CCDC85A: variants seen among roughly 807,000 people sequenced by gnomAD.
CCDC85A encodes the protein coiled-coil domain containing 85A, also known as coiled-coil domain-containing protein 85A.
In CCDC85A, 38 loss-of-function variants were observed where a neutral mutation model predicts 50.2. That is an observed-to-expected ratio of 0.76 (90% CI 0.58 to 0.99). CCDC85A has a LOEUF of 0.99. CCDC85A is among the 50% of genes least tolerant of loss of function. The pLI, the probability that CCDC85A is intolerant of heterozygous loss-of-function variation, is 0.00. For synonymous variants in CCDC85A, 366 were observed against 301.4 expected, an observed-to-expected ratio of 1.21 and a Z score of -2.22; for missense variants, 820 against 742.0, an observed-to-expected ratio of 1.11 and a Z score of -1.22.
At chr2:56,277,018 G>T (rs184491846) in intron 2 of CCDC85A, among the ~76,000 whole-genome samples, 1 of 152,140 alleles carries the variant, frequency 6.6e-6, no homozygotes, top group South Asian at 2.1e-4. Context: ...CCAAGAACAG[G>T]CCAGCTCTAA....
rs146862739 is a variant in CCDC85A at position 56,185,968 on chromosome 2, C to T, written c.276+1068C>T. On this transcript the variant is annotated intron_variant, in intron 1 of 5. Coordinates refer to ENST00000407595, the MANE Select transcript of CCDC85A (RefSeq NM_001080433.2). ...AAGCTGTTCTTTTCCCCTTTCCACTCCTATCCCCACATATCAGACAGTAGA... is the reference window on the plus strand; with the variant it reads ...AAGCTGTTCTTTTCCCCTTTCCACTTCTATCCCCACATATCAGACAGTAGA... Among the ~76,000 whole-genome samples the T allele has an allele frequency of 2.1e-3, 324 of 152,240 alleles. 1 individual carries two copies. Among genetic ancestry groups the T allele is most frequent in the African/African-American group, 7.4e-3 (308 of 41,570 alleles).
chr2:56,350,864 T>C lies in CCDC85A; in HGVS notation c.1317+7909T>C, dbSNP rs528686520. On this transcript the variant is annotated intron_variant, in intron 3 of 5. Transcript: ENST00000407595. ...TTTATTTATTTATTTATTTTATTAT[T>C]ATTATACTTTAAGTTTTAGGGTACA... 1.4e-3 allele frequency among the ~76,000 whole-genome samples: 210 copies of C among 150,662 alleles called. 1 individual carries two copies. In the Middle Eastern group the frequency reaches 0.017, roughly 12 times the overall value.
At chr2:56,185,948 G>A (rs1410281434) in intron 1 of CCDC85A, among the ~76,000 whole-genome samples, 7 of 152,206 alleles carry the variant, frequency 4.6e-5, no homozygotes, top group Admixed American at 3.3e-4. Context: ...GGCACAAGCT[G>A]TTCTTTTCCC....
chr2:56,315,250 G>T (rs917870245), intron 2 of CCDC85A, among the ~76,000 whole-genome samples: 68 of 152,138 alleles, frequency 4.5e-4, no homozygotes, highest in African/African-American at 1.6e-3. Context: ...TTGTTATCAA[G>T]AGTAGGAAAA....
At position 56,362,294 on chromosome 2, in the gene CCDC85A, G is replaced by A. The variant is rs555806039; in HGVS notation, c.1318-10050G>A. On this transcript the variant is annotated intron_variant, in intron 3 of 5. Transcript: ENST00000407595. ...AGGTTAGGAGGTGCAGGGGAATCAA[G>A]TTCTATTTTGGACATAGTCAATTTG... Among the ~76,000 whole-genome samples, 4 of 152,180 alleles carry A rather than the reference G, an allele frequency of 2.6e-5. No individual in the cohort carries two copies. In the South Asian group the frequency reaches 8.3e-4, roughly 32 times the overall value.
rs555850223 is a variant in CCDC85A, at chr2:56,335,028, A to C, written c.1241-7851A>C. Among the ~76,000 whole-genome samples the C allele has an allele frequency of 4.6e-5, 7 of 152,346 alleles. No individual in the cohort carries two copies. The South Asian group carries it at 1.0e-3, about 23-fold the overall frequency. On this transcript the variant is annotated intron_variant, in intron 2 of 5. Transcript: ENST00000407595. The stretch of plus-strand genomic sequence containing the variant: ...TTTAGGGCAATTAAAGCCCCATTAA[A>C]AATTCTATTTCTGTTAATAAGGCAG...
intron 2 of CCDC85A, among the ~76,000 whole-genome samples, chr2:56,298,111 A>G (rs534167509): frequency 1.3e-5 from 2 of 152,304 alleles, no homozygotes; most frequent in Admixed American, 1.3e-4. Flanking sequence ...ATGTGGAAAA[A>G]TGATTCCATT....
At position 56,184,465 on chromosome 2, in the gene CCDC85A, C is replaced by G; in HGVS notation, c.-160C>G. The G allele has an allele frequency of 2.5e-6, 2 of 796,884 alleles. No individual in the cohort carries two copies. The highest frequency in any genetic ancestry group is 3.3e-6 in the Non-Finnish European group (2 of 598,740). 49.4% of individuals were successfully genotyped at this position (796,884 alleles called of 1,614,324 possible). A position where few individuals can be genotyped will look rare whatever the true frequency, so the allele number is the denominator to read the frequency against. On this transcript the variant is annotated 5_prime_UTR_variant, in exon 1 of 6. Coordinates refer to ENST00000407595, the MANE Select transcript of CCDC85A (RefSeq NM_001080433.2). ...GGGGATGGCGAGGTAGGATGGCCAC[C>G]CAGCGCGACCCCCGCCGCCCCAACC...
chr2:56,222,468 A>C (rs1668366986), intron 2 of CCDC85A, among the ~76,000 whole-genome samples: 1 of 152,136 alleles, frequency 6.6e-6, no homozygotes, highest in Non-Finnish European at 1.5e-5. Flanking sequence ...TTTTATGTGC[A>C]GTCATGCAAA....
intron 1 of CCDC85A, among the ~76,000 whole-genome samples, chr2:56,187,491 T>G (rs556743884): frequency 7.3e-4 from 111 of 152,240 alleles, no homozygotes; most frequent in African/African-American, 2.6e-3. Context: ...CCCTGAGAAG[T>G]GGAAAGATAA....
intron 2 of CCDC85A, among the ~76,000 whole-genome samples, chr2:56,197,993 T>G (rs184554889): frequency 1.3e-5 from 2 of 150,752 alleles, no homozygotes; most frequent in Admixed American, 6.7e-5. Flanking sequence ...CTAATGGGTA[T>G]TTCCCACAAG....
rs962103156 is a variant in CCDC85A, at chr2:56,219,034, A to G, written c.1240+25594A>G. 3.3e-5 allele frequency among the ~76,000 whole-genome samples: 5 copies of G among 150,508 alleles called. No individual in the cohort carries two copies. The South Asian group carries it at 6.3e-4, about 19-fold the overall frequency. On this transcript the variant is annotated intron_variant, in intron 2 of 5. Coordinates refer to ENST00000407595, the MANE Select transcript of CCDC85A (RefSeq NM_001080433.2). Reference sequence around the variant, plus strand: ...TCTGAATTCTCCAAGCTCTTCCTCTATTTTTTTTGAATGAACTGAAATGAT... The same window carrying G: ...TCTGAATTCTCCAAGCTCTTCCTCTGTTTTTTTTGAATGAACTGAAATGAT...
intron 2 of CCDC85A, among the ~76,000 whole-genome samples, chr2:56,201,628 T>C (rs1233661691): frequency 6.6e-6 from 1 of 152,142 alleles, no homozygotes; most frequent in Non-Finnish European, 1.5e-5. Flanking sequence ...CATGAATTGC[T>C]TTTGGGGGCA....
At chr2:56,231,780 T>C (rs534814994) in intron 2 of CCDC85A, among the ~76,000 whole-genome samples, 1 of 152,284 alleles carries the variant, frequency 6.6e-6, no homozygotes, top group Non-Finnish European at 1.5e-5. Flanking sequence ...CAGGGATGTT[T>C]GTAGTTACTG....
At chr2:56,255,757 T>G (rs895283296) in intron 2 of CCDC85A, among the ~76,000 whole-genome samples, 33 of 152,078 alleles carry the variant, frequency 2.2e-4, no homozygotes, top group East Asian at 1.9e-4. Context: ...GGGTTTTTGT[T>G]GTTGTTGTTG....
intron 3 of CCDC85A, among the ~76,000 whole-genome samples, chr2:56,348,339 C>T (rs1674734309): frequency 6.6e-6 from 1 of 152,188 alleles, no homozygotes; most frequent in Non-Finnish European, 1.5e-5. Context: ...CCGGAACTGC[C>T]TGCTGTCATA....
intron 2 of CCDC85A, among the ~76,000 whole-genome samples, chr2:56,272,214 G>A (rs1243230374): frequency 6.6e-6 from 1 of 152,092 alleles, no homozygotes; most frequent in Admixed American, 6.5e-5. Context: ...GTGTCAGTGA[G>A]TAGTAGATGT....
At chr2:56,339,155 G>A (rs1264064015) in intron 2 of CCDC85A, among the ~76,000 whole-genome samples, 1 of 152,162 alleles carries the variant, frequency 6.6e-6, no homozygotes, top group Non-Finnish European at 1.5e-5. Context: ...CTAGAACAGT[G>A]CCTGACACAA....
At position 56,193,306 on chromosome 2, in the gene CCDC85A, G is replaced by T. The variant is rs769601998; in HGVS notation, c.1106G>T (p.Ser369Ile). ...PEHLKQHYGG[S>I]PDHKHGGGSG... ...CACCTCAAACAACATTATGGAGGGA[G>T]CCCTGATCACAAACACGGAGGAGGC... is the stretch of plus-strand genomic sequence containing the variant. Residue 369 changes from serine to isoleucine, a missense_variant, in exon 2 of 6, where the codon AGC (serine) becomes ATC (isoleucine). By Grantham distance (142) the Ser-to-Ile change is moderately radical. Coordinates refer to ENST00000407595, the MANE Select transcript of CCDC85A (RefSeq NM_001080433.2). The T allele has an allele frequency of 6.2e-7, 1 of 1,613,596 alleles. No individual in the cohort carries two copies. The highest frequency in any genetic ancestry group is 8.5e-7 in the Non-Finnish European group (1 of 1,179,756).
Sources: gnomAD v4.1 joint callset for allele counts (sites outside exome capture counted in the v4.1 genomes callset) on GRCh38, gnomAD v4.1.1 for gene constraint, MANE v1.5 for transcripts, NCBI Gene and HGNC (gene_info 2026-07-23, HGNC 2026-07-21) for gene names.